AGO2: variants seen among roughly 807,000 people sequenced by gnomAD.
AGO2 encodes protein argonaute-2.
AGO2 carries 5 observed loss-of-function variants against 102.3 expected under a neutral mutation model. That is an observed-to-expected ratio of 0.05 (90% CI 0.03 to 0.10). The LOEUF is 0.10. Ranked by LOEUF, AGO2 falls within the 10% of genes least tolerant of loss-of-function variation. The pLI, the probability that AGO2 is intolerant of heterozygous loss-of-function variation, is 1.00. For synonymous variants in AGO2, 449 were observed against 473.1 expected (o/e 0.95, Z 0.66); for missense variants, 541 against 1,183.7 (o/e 0.46, Z 7.97).
rs1362422964 is a variant in AGO2 at position 140,520,323 on chromosome 8, G to A, written c.*11721C>T. 6.6e-6 allele frequency: 1 copy of A among 152,138 alleles called. No homozygotes were observed. The highest frequency in any genetic ancestry group is 2.4e-5 in the African/African-American group (1 of 41,424). 9.4% of individuals were successfully genotyped at this position (152,138 alleles called of 1,614,324 possible). A position where few individuals can be genotyped will look rare whatever the true frequency, so the allele number is the denominator to read the frequency against. On this transcript the variant is annotated 3_prime_UTR_variant, in exon 19 of 19. Coordinates refer to ENST00000220592, the MANE Select transcript of AGO2 (RefSeq NM_012154.5). ...ATGTAAGGAGGTGAAAAAACACTAT[G>A]CCAAACTTTTAGTATTAGTTTATAT...
Position 140,527,500 on chromosome 8 carries a change from AAG to A in AGO2, c.*4542_*4543del, listed in dbSNP as rs1240729349. ...TGAGTCGAAGATTTTCCTCATAAAA[AAG>A]AGTCAGCGTGTGTGTGTGTAACAGG... On this transcript the variant is annotated 3_prime_UTR_variant, in exon 19 of 19. Coordinates refer to ENST00000220592, the MANE Select transcript of AGO2 (RefSeq NM_012154.5). This position sits in a 1 kb window ranked among gnomAD's most constrained non-coding sequence, Gnocchi z 6.0. 6 of 153,224 alleles carry A rather than the reference AAG, an allele frequency of 3.9e-5. No homozygotes were observed. The highest frequency in any genetic ancestry group is 1.4e-4 in the African/African-American group (6 of 41,446). The allele number at this position is 153,224 out of a possible 1,614,324, so 9.5% of individuals were successfully genotyped here.
At chr8:140,630,314 G>C (rs1042496023) in intron 1 of AGO2, among the ~76,000 whole-genome samples, 1 of 152,186 alleles carries the variant, frequency 6.6e-6, no homozygotes. Flanking sequence ...AAGCTTACAG[G>C]TGCCCACTGC....
At chr8:140,628,067 T>C in intron 1 of AGO2, among the ~76,000 whole-genome samples, 1 of 152,226 alleles carries the variant, frequency 6.6e-6, no homozygotes, top group East Asian at 1.9e-4. Flanking sequence ...AAACCTGGCC[T>C]AATGGGCAAT....
At position 140,556,188 on chromosome 8, in the gene AGO2, C is replaced by T; in HGVS notation, c.1125G>A (p.Arg375=). The T allele has an allele frequency of 1.2e-6, 2 of 1,614,254 alleles. No homozygotes were observed. Among genetic ancestry groups the T allele is most frequent in the Non-Finnish European group, 8.5e-7 (1 of 1,180,052 alleles). The change falls in exon 9 of 19, where the codon CGG becomes CGA. Residue 375 remains arginine, a synonymous_variant. Transcript: ENST00000220592. The stretch of plus-strand genomic sequence containing the variant: ...TCACCAATTTGCTAATCTCTTCTTG[C>T]CGATCGGGCGCCGACCTAGCAGTCG... ...IRATARSAPD[R]QEEISKLMRS...
chr8:140,558,429 G>A (rs1056947223), intron 7 of AGO2, 56 bp downstream of exon 7: 41 of 1,551,558 alleles, frequency 2.6e-5, no homozygotes, highest in Non-Finnish European at 3.4e-5. Flanking sequence ...GAGTGTGCCC[G>A]TCGGAGTGAC....
chr8:140,632,262 G>A (rs2074351671), intron 1 of AGO2, among the ~76,000 whole-genome samples: 1 of 152,226 alleles, frequency 6.6e-6, no homozygotes, highest in East Asian at 1.9e-4. Flanking sequence ...AGACCCAAGG[G>A]GGACTCTGCA....
intron 13 of AGO2, among the ~76,000 whole-genome samples, chr8:140,546,819 C>T (rs188039707): frequency 2.0e-5 from 3 of 152,364 alleles, no homozygotes; most frequent in Admixed American, 6.5e-5. Flanking sequence ...TTCTTGCCTA[C>T]ATCACAGGTT....
intron 1 of AGO2, among the ~76,000 whole-genome samples, chr8:140,590,120 G>A (rs6983924): frequency 0.79 from 120,454 of 152,106 alleles, 47,999 homozygotes; most frequent in Admixed American, 0.83. Context: ...ACGGTGAGCC[G>A]AAGTCAAAGC....
chr8:140,566,056 A>C (rs2073278684), intron 3 of AGO2, among the ~76,000 whole-genome samples: 1 of 152,152 alleles, frequency 6.6e-6, no homozygotes, highest in South Asian at 2.1e-4. Context: ...AAAGTTATGA[A>C]TGAATTTTTG....
intron 15 of AGO2, 91 bp downstream of exon 15, chr8:140,541,073 T>C (rs1253684668): frequency 3.7e-6 from 5 of 1,363,740 alleles, no homozygotes; most frequent in African/African-American, 2.9e-5. Flanking sequence ...AGCCACATCA[T>C]TCTTGCCATT....
At chr8:140,583,935 G>C (rs1280317082) in intron 2 of AGO2, among the ~76,000 whole-genome samples, 2 of 151,914 alleles carry the variant, frequency 1.3e-5, no homozygotes, top group South Asian at 4.2e-4. Context: ...CGTTACGTGG[G>C]CTATGATTTC....
At chr8:140,630,051 G>A (rs996579659) in intron 1 of AGO2, among the ~76,000 whole-genome samples, 8 of 152,066 alleles carry the variant, frequency 5.3e-5, no homozygotes, top group South Asian at 2.1e-4. Flanking sequence ...AGCTCACAAC[G>A]GGGACACGCG....
intron 1 of AGO2, among the ~76,000 whole-genome samples, chr8:140,633,513 T>C (rs2152112392): frequency 6.6e-6 from 1 of 152,280 alleles, no homozygotes; most frequent in South Asian, 2.1e-4. Context: ...AACGAGCCTG[T>C]GGATCATGAG....
chr8:140,551,197 A>G (rs1191160603), intron 11 of AGO2, 106 bp downstream of exon 11: 1 of 1,312,748 alleles, frequency 7.6e-7, no homozygotes, highest in Admixed American at 2.7e-5. Context: ...AACCCATACC[A>G]GCACCCTCAC....
chr8:140,621,724 C>A (rs912539789), intron 1 of AGO2, among the ~76,000 whole-genome samples: 1 of 152,104 alleles, frequency 6.6e-6, no homozygotes, highest in African/African-American at 2.4e-5. Flanking sequence ...TTTTTTCCAT[C>A]CTGGCAACTA....
At chr8:140,624,883 C>A (rs2074256180) in intron 1 of AGO2, among the ~76,000 whole-genome samples, 1 of 152,234 alleles carries the variant, frequency 6.6e-6, no homozygotes, top group Non-Finnish European at 1.5e-5. Flanking sequence ...GCATCAACCA[C>A]AGACAGACCA....
intron 2 of AGO2, among the ~76,000 whole-genome samples, chr8:140,583,242 T>G (rs2073585249): frequency 6.6e-6 from 1 of 152,222 alleles, no homozygotes; most frequent in Non-Finnish European, 1.5e-5. Context: ...TATAAGGCTT[T>G]CAGACTTGGC....
Position 140,558,470 on chromosome 8 carries a change from G to C in AGO2, c.878+15C>G. 1.3e-5 allele frequency: 21 copies of C among 1,614,116 alleles called. No homozygotes were observed. Among genetic ancestry groups the C allele is most frequent in the Non-Finnish European group, 1.8e-5 (21 of 1,179,916 alleles). ...GGGCCCCAGCCAAGAGAGTCTGAAA[G>C]GAAGGGCGTGTTACGTTTGGTGACT... On this transcript the variant is annotated intron_variant, in intron 7 of 18. Coordinates refer to ENST00000220592, the MANE Select transcript of AGO2 (RefSeq NM_012154.5).
intron 1 of AGO2, among the ~76,000 whole-genome samples, chr8:140,627,737 C>T (rs1368524014): frequency 2.6e-5 from 4 of 152,178 alleles, no homozygotes; most frequent in South Asian, 2.1e-4. Flanking sequence ...AGTCCCCTTC[C>T]GTCTGGTAGT....
Sources: allele counts gnomAD v4.1 joint callset (sites outside exome capture counted in the v4.1 genomes callset), GRCh38; gene constraint gnomAD v4.1.1; non-coding constraint Gnocchi (gnomAD v3.1); transcripts MANE v1.5; gene names NCBI Gene and HGNC (gene_info 2026-07-23, HGNC 2026-07-21).